Variants in ITIH4 observed in about 807,000 individuals in gnomAD.
The protein encoded by ITIH4 is inter-alpha-trypsin inhibitor heavy chain 4.
ITIH4 carries 79 observed loss-of-function variants against 111.8 expected under a neutral mutation model. The ratio of observed to expected loss-of-function variants is 0.71; its 90% CI spans 0.59 to 0.85. The LOEUF is 0.85. Ranked by LOEUF, ITIH4 falls within the 40% of genes least tolerant of loss-of-function variation. The pLI is 0.00. For missense variants in ITIH4, 1,065 were observed against 1,195.8 expected (o/e 0.89, Z 1.61); for synonymous variants, 472 against 468.3 (o/e 1.01, Z -0.10).
intron 11 of ITIH4, chr3:52,822,303 A>G (rs1451656224): frequency 6.6e-6 from 1 of 152,190 alleles, no homozygotes; most frequent in Non-Finnish European, 1.5e-5. Context: ...AGATCCAACC[A>G]CTGCACTCCA....
intron 12 of ITIH4, 85 bp downstream of exon 12, chr3:52,820,906 C>T: frequency 6.4e-7 from 1 of 1,555,822 alleles, no homozygotes; most frequent in Middle Eastern, 1.8e-4. Context: ...TGCCAAGACC[C>T]CCCTCTCTCC....
Position 52,814,193 on chromosome 3 carries a change from G to A in ITIH4, c.2626+16C>T. 6.2e-7 allele frequency: 1 copy of A among 1,610,942 alleles called. No homozygotes were observed. The highest frequency in any genetic ancestry group is 1.1e-5 in the South Asian group (1 of 90,674). On this transcript the variant is annotated intron_variant, in intron 22 of 23. Transcript: ENST00000266041. ...GTTTCTGAGGAAGGCCTGGGCCCCG[G>A]TAATGGGCTCAGTACCAAGGGTCCC...
intron 6 of ITIH4, among the ~76,000 whole-genome samples, chr3:52,825,522 T>A (rs187887628): frequency 3.7e-4 from 56 of 151,980 alleles, no homozygotes; most frequent in African/African-American, 1.3e-3. Context: ...CTTTTGAACC[T>A]GGGAGTTTGA....
At position 52,821,069 on chromosome 3, in the gene ITIH4, T is replaced by C. The variant is rs760260451; in HGVS notation, c.1601A>G (p.Gln534Arg). The change falls in exon 12 of 24, where the codon CAG becomes CGG. Residue 534 changes from glutamine (Q) to arginine (R), a missense_variant. Transcript: ENST00000266041. ...SSVAEQEAEF[Q>R]SPKYIFHNFM... is the part of the protein sequence containing the mutation. ...GTTGTGGAAGATATACTTGGGGCTCTGGAACTCCGCCTCCTGCTCTGCCAC... is the reference window on the plus strand; with the variant it reads ...GTTGTGGAAGATATACTTGGGGCTCCGGAACTCCGCCTCCTGCTCTGCCAC... The C allele has an allele frequency of 1.1e-5, 17 of 1,613,912 alleles. No homozygotes were observed. The East Asian group carries it at 3.1e-4, about 30-fold the overall frequency.
At chr3:52,825,838 G>A (rs749242435) in intron 6 of ITIH4, 48 bp downstream of exon 6, 29 of 1,580,346 alleles carry the variant, frequency 1.8e-5, no homozygotes, top group Non-Finnish European at 2.2e-5. Flanking sequence ...GGCCCTTGGG[G>A]GTGGACAGAC....
At chr3:52,816,515 C>G (rs997502819) in intron 21 of ITIH4, among the ~76,000 whole-genome samples, 19 of 152,298 alleles carry the variant, frequency 1.2e-4, no homozygotes, top group African/African-American at 4.6e-4. Context: ...CAACTACACT[C>G]TCTCATTGGG....
chr3:52,828,433 C>T (rs1017611425), intron 2 of ITIH4, among the ~76,000 whole-genome samples: 1 of 152,230 alleles, frequency 6.6e-6, no homozygotes, highest in Admixed American at 6.5e-5. Flanking sequence ...TGGGACCCCA[C>T]ATGAGACACT....
Position 52,826,946 on chromosome 3 carries a change from C to T in ITIH4, c.364G>A (p.Gly122Arg), listed in dbSNP as rs768405294. 18 of 1,613,974 alleles carry T rather than the reference C, an allele frequency of 1.1e-5. No individual in the cohort carries two copies. Among genetic ancestry groups the T allele is most frequent in the East Asian group, 2.2e-5 (1 of 44,888 alleles). ...ACCTGGAACTGCTCCATGTTTCTCCCGGTGGCCCTGGGGGAGAAGGGCATC... is the reference window on the plus strand; with the variant it reads ...ACCTGGAACTGCTCCATGTTTCTCCTGGTGGCCCTGGGGGAGAAGGGCATC... ...GKSAGLVKAT[G>R]RNMEQFQVSV... Residue 122 changes from glycine (G) to arginine (R), a missense_variant, in exon 4 of 24, where the codon GGG becomes AGG. Transcript: ENST00000266041.
chr3:52,820,221 G>C (rs1288040296), intron 14 of ITIH4, 70 bp downstream of exon 14: 2 of 1,606,038 alleles, frequency 1.2e-6, no homozygotes. Context: ...AACCTCACAG[G>C]GCTGGTGCCC....
chr3:52,814,770 G>A (rs193161588), intron 21 of ITIH4, among the ~76,000 whole-genome samples: 1 of 152,266 alleles, frequency 6.6e-6, no homozygotes, highest in Admixed American at 6.5e-5. Flanking sequence ...TTTTAAGAGA[G>A]ACAGGGTTTC....
At chr3:52,827,988 C>A (rs1385597976) in intron 2 of ITIH4, among the ~76,000 whole-genome samples, 3 of 152,172 alleles carry the variant, frequency 2.0e-5, no homozygotes, top group Non-Finnish European at 4.4e-5. Flanking sequence ...CAGGACTACG[C>A]GTCCCTCCTG....
chr3:52,826,475 G>T, intron 5 of ITIH4, 66 bp downstream of exon 5: 2 of 1,195,752 alleles, frequency 1.7e-6, no homozygotes, highest in Non-Finnish European at 2.5e-6. Flanking sequence ...CAGAAATCCG[G>T]GCTCATAGGG....
intron 11 of ITIH4, among the ~76,000 whole-genome samples, chr3:52,822,624 A>G (rs548710461): frequency 6.6e-6 from 1 of 152,286 alleles, no homozygotes; most frequent in South Asian, 2.1e-4. Context: ...ATGGAGGTTA[A>G]GTGACTTCTC....
rs1700498134 is a variant in ITIH4 at position 52,827,250 on chromosome 3, C to T, written c.252-53G>A. 3.6e-6 allele frequency: 5 copies of T among 1,387,190 alleles called. No individual in the cohort carries two copies. In the South Asian group the frequency reaches 5.8e-5, roughly 16 times the overall value. The allele number at this position is 1,387,190 out of a possible 1,614,324, so 85.9% of individuals were successfully genotyped here. Reference sequence around the variant, plus strand: ...AGAGCCTGGTGGCAGGGGCCCATTCCACTCCTGCCTCCTCCAGAGAGCCTT... The same window carrying T: ...AGAGCCTGGTGGCAGGGGCCCATTCTACTCCTGCCTCCTCCAGAGAGCCTT... On this transcript the variant is annotated intron_variant, in intron 2 of 23. Coordinates refer to ENST00000266041, the MANE Select transcript of ITIH4 (RefSeq NM_002218.5).
rs1700237451 is a variant in ITIH4, at chr3:52,814,216, C to T, written c.2619G>A (p.Gly873=). The T allele has an allele frequency of 1.2e-6, 2 of 1,613,136 alleles. No homozygotes were observed. The highest frequency in any genetic ancestry group is 1.1e-5 in the South Asian group (1 of 90,854). Residue 873 remains glycine, a synonymous_variant, in exon 22 of 24, where the codon GGG becomes GGA. Transcript: ENST00000266041. ...DTDRFSSHVG[G]TLGQFYQEVL... ...CGGTAATGGGCTCAGTACCAAGGGT[C>T]CCTCCAACGTGGCTGGAGAAGCGGT... is the stretch of plus-strand genomic sequence containing the variant.
intron 21 of ITIH4, among the ~76,000 whole-genome samples, chr3:52,814,794 G>A (rs953794944): frequency 1.3e-5 from 2 of 152,328 alleles, no homozygotes; most frequent in South Asian, 4.1e-4. Flanking sequence ...ATGTTGCCCA[G>A]GCTGGTCTCA....
chr3:52,824,649 G>A lies in ITIH4; in HGVS notation c.877-84C>T, dbSNP rs1435112061. 17 of 1,434,626 alleles carry A rather than the reference G, an allele frequency of 1.2e-5. No homozygotes were observed. The highest frequency in any genetic ancestry group is 5.1e-5 in the South Asian group (4 of 77,720). 88.9% of individuals were successfully genotyped at this position (1,434,626 alleles called of 1,614,324 possible). On this transcript the variant is annotated intron_variant, in intron 7 of 23. Transcript: ENST00000266041. This position sits in a 1 kb window ranked among gnomAD's most constrained non-coding sequence, Gnocchi z 4.3. ...CTAGGGCTGGCATCCTTGGACTCCTGTCTCAGGGGTGAGGTCATGGTATCT... is the reference window on the plus strand; with the variant it reads ...CTAGGGCTGGCATCCTTGGACTCCTATCTCAGGGGTGAGGTCATGGTATCT...
At chr3:52,828,297 C>T (rs1400797670) in intron 2 of ITIH4, among the ~76,000 whole-genome samples, 1 of 152,252 alleles carries the variant, frequency 6.6e-6, no homozygotes, top group Non-Finnish European at 1.5e-5. Context: ...GGGGCTTGCA[C>T]TGCAAGCTGG....
At position 52,823,805 on chromosome 3, in the gene ITIH4, C is replaced by T. The variant is rs1425644988; in HGVS notation, c.1353+18G>A. ...ACTGCCCACTTCTCTGTGCAGCCCA[C>T]CTGGGGCACACTGGCACCTGGAGCT... On this transcript the variant is annotated intron_variant, in intron 10 of 23. Transcript: ENST00000266041. 2 of 1,613,640 alleles carry T rather than the reference C, an allele frequency of 1.2e-6. No homozygotes were observed. Among genetic ancestry groups the T allele is most frequent in the East Asian group, 2.2e-5 (1 of 44,884 alleles).
Sources: allele counts gnomAD v4.1 joint callset (sites outside exome capture counted in the v4.1 genomes callset), GRCh38; gene constraint gnomAD v4.1.1; non-coding constraint Gnocchi (gnomAD v3.1); transcripts MANE v1.5; gene names NCBI Gene and HGNC (gene_info 2026-07-23, HGNC 2026-07-21).